Variants in DNAH11 observed in about 807,000 individuals in gnomAD.
The protein encoded by DNAH11 is dynein axonemal heavy chain 11, also known as axonemal beta dynein heavy chain 11.
Under a neutral mutation model 526.0 loss-of-function variants are expected in DNAH11, and 442 were observed. That is an observed-to-expected ratio of 0.84 (90% confidence interval 0.78 to 0.91). DNAH11 has a LOEUF of 0.91. Among genes scored for constraint, DNAH11 ranks in the 40% least tolerant of loss-of-function variants. The pLI, the probability that DNAH11 is intolerant of heterozygous loss-of-function variation, is 0.00. For missense variants in DNAH11, 6,989 were observed against 5,448.7 expected (o/e 1.28, Z -8.90); for synonymous variants, 2,461 against 1,935.9 (o/e 1.27, Z -7.12).
Position 21,677,360 on chromosome 7 carries a change from A to G in DNAH11, c.5329-4186A>G, listed in dbSNP as rs143543564. 1.4e-3 allele frequency among the ~76,000 whole-genome samples: 216 copies of G among 152,074 alleles called. 3 individuals are homozygous for G. Among genetic ancestry groups the G allele is most frequent in the African/African-American group, 4.9e-3 (204 of 41,496 alleles). ...ATTTAATTTTTTTATTATTGTATCT[A>G]TCATAGTGATCTGTGATCAGTAATC... On this transcript the variant is annotated intron_variant, in intron 30 of 81. Transcript: ENST00000409508.
chr7:21,842,591 G>C lies in DNAH11; in HGVS notation c.10739G>C (p.Arg3580Pro). 1 of 1,613,846 alleles carries C rather than the reference G, an allele frequency of 6.2e-7. No homozygotes were observed. The highest frequency in any genetic ancestry group is 8.5e-7 in the Non-Finnish European group (1 of 1,179,846). The change falls in exon 66 of 82, where the codon CGC becomes CCC. Residue 3580 changes from arginine to proline, a missense_variant. Coordinates refer to ENST00000409508, the MANE Select transcript of DNAH11 (RefSeq NM_001277115.2). ...DKECEFNKNF[R>P]LILHTKLANP... is the part of the protein sequence containing the mutation. ...GAATGTGAATTTAACAAGAACTTTC[G>C]CCTTATCCTTCACACAAAATTGGCA... is the stretch of plus-strand genomic sequence containing the variant.
rs76054162 is a variant in DNAH11 at position 21,555,787 on chromosome 7, C to T, written c.496-3015C>T. 3.4e-3 allele frequency among the ~76,000 whole-genome samples: 519 copies of T among 152,226 alleles called. 3 individuals carry two copies. The highest frequency in any genetic ancestry group is 0.012 in the African/African-American group (494 of 41,550). ...TTATGGCCTCTGCAGGGATCCAGGA[C>T]GCCTGGATAGAGTGGGCCACTTAAA... On this transcript the variant is annotated intron_variant, in intron 2 of 81. Coordinates refer to ENST00000409508, the MANE Select transcript of DNAH11 (RefSeq NM_001277115.2).
chr7:21,547,301 C>T (rs532088254), intron 2 of DNAH11, among the ~76,000 whole-genome samples: 16 of 152,306 alleles, frequency 1.1e-4, no homozygotes, highest in African/African-American at 3.6e-4. Context: ...AAGAAGTTGG[C>T]TTTGTCATGG....
intron 8 of DNAH11, among the ~76,000 whole-genome samples, chr7:21,576,105 C>A (rs1183566510): frequency 6.6e-6 from 1 of 152,144 alleles, no homozygotes; most frequent in Non-Finnish European, 1.5e-5. Flanking sequence ...TCCTCTAGAT[C>A]TTGTTGCTGC....
rs143362381 is a variant in DNAH11, at chr7:21,901,198, G to A, written c.13495G>A (p.Glu4499Lys). Reference protein sequence around the residue: ...SYIWTFRLKSEEKTAKWVLAG... With the variant: ...SYIWTFRLKSKEKTAKWVLAG... ...CATCTGGACCTTCAGGCTGAAGAGC[G>A]AAGAGAAGACTGCAAAATGGGTTCT... Residue 4499 changes from glutamate (E) to lysine (K), a missense_variant, in exon 82 of 82, where the codon GAA becomes AAA. Physicochemically the swap from Glu to Lys is moderately conservative, Grantham distance 56. Coordinates refer to ENST00000409508, the MANE Select transcript of DNAH11 (RefSeq NM_001277115.2). The A allele has an allele frequency of 3.7e-3, 5,916 of 1,613,662 alleles. 50 individuals carry two copies. The highest frequency in any genetic ancestry group is 4.3e-3 in the Middle Eastern group (26 of 6,062).
At chr7:21,564,495 ATCTT>A (rs1783586531) in intron 6 of DNAH11, 98 bp downstream of exon 6, 5 of 806,206 alleles carry the variant, frequency 6.2e-6, no homozygotes, top group African/African-American at 1.8e-5. Flanking sequence ...TAAGAACACC[ATCTT>A]TCTTTTTCTT....
chr7:21,800,916 G>A (rs1230522927), intron 61 of DNAH11, among the ~76,000 whole-genome samples: 2 of 152,086 alleles, frequency 1.3e-5, no homozygotes, highest in African/African-American at 4.8e-5. Flanking sequence ...GAAGGGGAGA[G>A]AAGACCACAT....
At chr7:21,644,863 G>C (rs1462344343) in intron 28 of DNAH11, among the ~76,000 whole-genome samples, 1 of 152,178 alleles carries the variant, frequency 6.6e-6, no homozygotes, top group Non-Finnish European at 1.5e-5. Context: ...AGAAAATAGA[G>C]AATCTACTTT....
chr7:21,691,442 A>G (rs1220667243), intron 35 of DNAH11, among the ~76,000 whole-genome samples: 1 of 151,814 alleles, frequency 6.6e-6, no homozygotes, highest in Non-Finnish European at 1.5e-5. Flanking sequence ...GGCTCAAGGG[A>G]CACACATTCG....
intron 28 of DNAH11, among the ~76,000 whole-genome samples, chr7:21,641,216 G>T (rs1225775099): frequency 1.3e-5 from 2 of 152,170 alleles, no homozygotes; most frequent in Non-Finnish European, 2.9e-5. Context: ...TTTTATGAGT[G>T]ATTCTCCTAT....
chr7:21,712,496 T>A (rs1259967284), intron 42 of DNAH11, among the ~76,000 whole-genome samples: 1 of 152,232 alleles, frequency 6.6e-6, no homozygotes, highest in African/African-American at 2.4e-5. Context: ...CCACCAACAG[T>A]GTACAAGGCT....
intron 67 of DNAH11, among the ~76,000 whole-genome samples, chr7:21,853,057 C>G (rs1451565680): frequency 1.3e-5 from 2 of 152,184 alleles, no homozygotes; most frequent in Non-Finnish European, 2.9e-5. Flanking sequence ...CCTGCCGTGG[C>G]AGGATACCGA....
At chr7:21,874,371 T>C (rs1218768437) in intron 74 of DNAH11, among the ~76,000 whole-genome samples, 3 of 151,994 alleles carry the variant, frequency 2.0e-5, no homozygotes, top group Admixed American at 6.5e-5. Context: ...GTTTTGCTCT[T>C]GTCGCCCAGG....
At chr7:21,851,657 G>A (rs1195953898) in intron 66 of DNAH11, 1 of 471,242 alleles carries the variant, frequency 2.1e-6, no homozygotes, top group Non-Finnish European at 4.4e-6. Flanking sequence ...ACTCAAAGAA[G>A]TGTAGAGACT....
intron 45 of DNAH11, among the ~76,000 whole-genome samples, chr7:21,734,365 A>C (rs1319020212): frequency 6.6e-6 from 1 of 152,240 alleles, no homozygotes; most frequent in Non-Finnish European, 1.5e-5. Flanking sequence ...CCAGCAGACA[A>C]ATTTAAAAGC....
chr7:21,838,891 A>G (rs760918884), intron 65 of DNAH11, among the ~76,000 whole-genome samples: 2 of 152,024 alleles, frequency 1.3e-5, no homozygotes, highest in East Asian at 1.9e-4. Context: ...CCACCACACC[A>G]TGCTAATTTT....
chr7:21,900,257 CTTAAATAA>C, intron 81 of DNAH11, 137 bp downstream of exon 81: 3 of 1,034,632 alleles, frequency 2.9e-6, no homozygotes, highest in Admixed American at 3.4e-5. Context: ...ATTTCTTCCT[CTTAAATAA>C]TTTAAGTGCT....
chr7:21,783,568 G>A (rs2127985186), intron 57 of DNAH11, among the ~76,000 whole-genome samples: 1 of 152,244 alleles, frequency 6.6e-6, no homozygotes, highest in Non-Finnish European at 1.5e-5. Flanking sequence ...AATTTCTACT[G>A]AGGACTAAAA....
intron 8 of DNAH11, among the ~76,000 whole-genome samples, chr7:21,577,968 G>C (rs1784164889): frequency 6.6e-6 from 1 of 152,124 alleles, no homozygotes; most frequent in African/African-American, 2.4e-5. Flanking sequence ...AATTTATGAA[G>C]AAAAGAGGTT....
Sources: allele counts gnomAD v4.1 joint callset (sites outside exome capture counted in the v4.1 genomes callset), GRCh38; gene constraint gnomAD v4.1.1; transcripts MANE v1.5; gene names NCBI Gene and HGNC (gene_info 2026-07-23, HGNC 2026-07-21).